The following SIPA1L1 variants were observed in gnomAD, a reference collection of about 807,000 sequenced individuals.
SIPA1L1 encodes signal induced proliferation associated 1 like 1.
A neutral mutation model predicts 162.7 loss-of-function variants in SIPA1L1; 26 were observed. The observed-to-expected ratio is 0.16, with a 90% CI of 0.12 to 0.22. The LOEUF is 0.22. SIPA1L1 is among the 10% of genes least tolerant of loss of function. The probability of loss-of-function intolerance (pLI) is 1.00; values close to 1 mark genes in which losing one functional copy is unlikely to be tolerated. For missense variants in SIPA1L1, 1,874 were observed against 2,241.0 expected (o/e 0.84, Z 3.31); for synonymous variants, 829 against 837.4 (o/e 0.99, Z 0.17).
At chr14:71,614,431 A>T (rs888726883) in intron 5 of SIPA1L1, among the ~76,000 whole-genome samples, 3 of 151,988 alleles carry the variant, frequency 2.0e-5, no homozygotes, top group African/African-American at 7.3e-5. Flanking sequence ...TGTAAAAATA[A>T]TTTTTTTTCA....
At chr14:71,325,137 G>A (rs1360548223) in intron 2 of SIPA1L1, among the ~76,000 whole-genome samples, 1 of 152,176 alleles carries the variant, frequency 6.6e-6, no homozygotes, top group Non-Finnish European at 1.5e-5. Flanking sequence ...TAAAATAAGG[G>A]TGTTCCACTA....
chr14:71,547,945 G>A (rs75669914), intron 4 of SIPA1L1, among the ~76,000 whole-genome samples: 2,446 of 152,312 alleles, frequency 0.016, 57 homozygotes, highest in African/African-American at 0.056. Flanking sequence ...TTGGGAGGCT[G>A]AGGCACAAGA....
At chr14:71,459,361 T>G (rs756368412) in intron 2 of SIPA1L1, among the ~76,000 whole-genome samples, 4 of 152,092 alleles carry the variant, frequency 2.6e-5, no homozygotes, top group Non-Finnish European at 4.4e-5. Context: ...TTTGCAATAC[T>G]TCAGGGGAAA....
At chr14:71,389,217 A>G (rs1429689536) in intron 2 of SIPA1L1, among the ~76,000 whole-genome samples, 1 of 152,154 alleles carries the variant, frequency 6.6e-6, no homozygotes, top group Non-Finnish European at 1.5e-5. Flanking sequence ...CCCCTAGGAG[A>G]TGGGTAGGTA....
intron 2 of SIPA1L1, among the ~76,000 whole-genome samples, chr14:71,451,884 G>A (rs1448421238): frequency 6.6e-6 from 1 of 151,916 alleles, no homozygotes; most frequent in Non-Finnish European, 1.5e-5. Context: ...TTTGAGAGAA[G>A]GGAAAATGGT....
At chr14:71,578,904 C>G (rs1487586404) in intron 4 of SIPA1L1, among the ~76,000 whole-genome samples, 1 of 152,112 alleles carries the variant, frequency 6.6e-6, no homozygotes, top group Non-Finnish European at 1.5e-5. Context: ...GAAAAATACA[C>G]CAGAACCACG....
chr14:71,734,408 T>G (rs1043822073), intron 21 of SIPA1L1, among the ~76,000 whole-genome samples: 1 of 152,240 alleles, frequency 6.6e-6, no homozygotes, highest in African/African-American at 2.4e-5. Flanking sequence ...TGACATAAGA[T>G]TGTCAGCTGG....
In SIPA1L1 at chr14:71,486,755, A is replaced by G. The variant is rs1001184899; in HGVS notation, c.-464-25988A>G. 3.9e-5 allele frequency among the ~76,000 whole-genome samples: 6 copies of G among 152,322 alleles called. No individual in the cohort carries two copies. In the East Asian group the frequency reaches 5.8e-4, roughly 15 times the overall value. On this transcript the variant is annotated intron_variant, in intron 2 of 23. Transcript: ENST00000381232. ...ACAAATTATTTCCCAGGTCATTTCTATGCTTTTGTAAAATTCTTAATGCAC... is the reference window on the plus strand; with the variant it reads ...ACAAATTATTTCCCAGGTCATTTCTGTGCTTTTGTAAAATTCTTAATGCAC...
intron 5 of SIPA1L1, among the ~76,000 whole-genome samples, chr14:71,601,511 T>C (rs1457144169): frequency 6.6e-6 from 1 of 152,216 alleles, no homozygotes; most frequent in Non-Finnish European, 1.5e-5. Context: ...TGTTGAACAT[T>C]TTTGCATGTA....
chr14:71,405,960 G>C (rs1009294500), intron 2 of SIPA1L1, among the ~76,000 whole-genome samples: 1 of 152,184 alleles, frequency 6.6e-6, no homozygotes, highest in African/African-American at 2.4e-5. Flanking sequence ...CTTTTAACAA[G>C]TCAGTCTGAC....
intron 2 of SIPA1L1, among the ~76,000 whole-genome samples, chr14:71,410,510 G>A (rs1017023972): frequency 1.3e-5 from 2 of 152,096 alleles, no homozygotes; most frequent in African/African-American, 2.4e-5. Flanking sequence ...GCTTGGGACC[G>A]GAAGTGTTTA....
At chr14:71,409,196 A>G (rs2042233911) in intron 2 of SIPA1L1, among the ~76,000 whole-genome samples, 1 of 149,126 alleles carries the variant, frequency 6.7e-6, no homozygotes, top group Admixed American at 6.6e-5. Context: ...TCTTACATGT[A>G]GTCTATAAAT....
intron 19 of SIPA1L1, among the ~76,000 whole-genome samples, chr14:71,729,130 G>A (rs1214354754): frequency 6.6e-6 from 1 of 152,166 alleles, no homozygotes; most frequent in East Asian, 1.9e-4. Flanking sequence ...CTGCCTCCCA[G>A]GTTCAAGCGA....
rs756304946 is a variant in SIPA1L1, at chr14:71,724,781, A to G, written c.4560A>G (p.Leu1520=). The change falls in exon 19 of 24, where the codon CTA becomes CTG. Residue 1520 remains leucine, a synonymous_variant. Transcript: ENST00000381232. ...CCAAGTCCACCATTGAAGAAGATCT[A>G]AAGAAACTAATTGATCTTGAAAGCC... ...PTSKSTIEED[L]KKLIDLESPT... is the part of the protein sequence containing the mutation. 2 of 1,614,206 alleles carry G rather than the reference A, an allele frequency of 1.2e-6. No homozygotes were observed. Among genetic ancestry groups the G allele is most frequent in the South Asian group, 1.1e-5 (1 of 91,086 alleles).
At chr14:71,408,933 G>A (rs1270446104) in intron 2 of SIPA1L1, among the ~76,000 whole-genome samples, 1 of 151,952 alleles carries the variant, frequency 6.6e-6, no homozygotes, top group Admixed American at 6.6e-5. Flanking sequence ...ATGTAAAATC[G>A]GGATCCTCCT....
intron 2 of SIPA1L1, among the ~76,000 whole-genome samples, chr14:71,376,372 TG>T (rs2039372358): frequency 6.6e-6 from 1 of 151,986 alleles, no homozygotes; most frequent in African/African-American, 2.4e-5. Flanking sequence ...GTAGGCATGT[TG>T]GGTTTACTTT....
At chr14:71,735,481 G>A in intron 22 of SIPA1L1, 90 bp downstream of exon 22, 1 of 868,072 alleles carries the variant, frequency 1.2e-6, no homozygotes, top group Non-Finnish European at 1.9e-6. Context: ...AAGCCACACG[G>A]AGTAGCTGAG....
intron 4 of SIPA1L1, chr14:71,574,878 A>G (rs1220798389): frequency 2.0e-5 from 3 of 152,212 alleles, no homozygotes; most frequent in African/African-American, 7.2e-5. Context: ...GGATTAGATT[A>G]AAAATAATTT....
intron 2 of SIPA1L1, among the ~76,000 whole-genome samples, chr14:71,396,788 A>T (rs745485475): frequency 6.6e-6 from 1 of 152,208 alleles, no homozygotes; most frequent in Non-Finnish European, 1.5e-5. Context: ...TACTATATTT[A>T]AAAATGCCAT....
Sources: gnomAD v4.1 joint callset for allele counts (sites outside exome capture counted in the v4.1 genomes callset) on GRCh38, gnomAD v4.1.1 for gene constraint, MANE v1.5 for transcripts, NCBI Gene and HGNC (gene_info 2026-07-23, HGNC 2026-07-21) for gene names.